Variants in PDE4D observed in about 807,000 individuals in gnomAD.
The protein encoded by PDE4D is 3',5'-cyclic-AMP phosphodiesterase 4D.
PDE4D carries 24 observed loss-of-function variants against 87.4 expected under a neutral mutation model. The observed-to-expected ratio is 0.27, with a 90% CI of 0.20 to 0.39. PDE4D has a LOEUF of 0.39. PDE4D is among the 10% of genes least tolerant of loss of function. The probability of loss-of-function intolerance (pLI) is 1.00; values close to 1 mark genes in which losing one functional copy is unlikely to be tolerated. For synonymous variants in PDE4D, 384 were observed against 383.2 expected (o/e 1.00, Z -0.02); for missense variants, 714 against 1,041.0 (o/e 0.69, Z 4.32).
At chr5:59,408,178 A>C (rs534796208) in intron 1 of PDE4D, among the ~76,000 whole-genome samples, 2 of 152,304 alleles carry the variant, frequency 1.3e-5, no homozygotes, top group Admixed American at 6.5e-5. Context: ...TTTAGGGGAT[A>C]AGCACAGGGC....
intron 1 of PDE4D, chr5:59,275,369 T>C (rs1485422266): frequency 6.3e-7 from 1 of 1,597,196 alleles, no homozygotes; most frequent in Non-Finnish European, 8.5e-7. Flanking sequence ...AGGGAACTTG[T>C]AGATCGGGAT....
chr5:59,039,179 T>C, intron 5 of PDE4D: 1 of 1,351,634 alleles, frequency 7.4e-7, no homozygotes, highest in Non-Finnish European at 9.5e-7. Flanking sequence ...GGAGGCACGG[T>C]CTCTCCAGCT....
intron 1 of PDE4D, among the ~76,000 whole-genome samples, chr5:59,357,697 A>G (rs1781606343): frequency 6.6e-6 from 1 of 152,248 alleles, no homozygotes; most frequent in Non-Finnish European, 1.5e-5. Flanking sequence ...ATAAATGATG[A>G]AAGCCAAATA....
intron 3 of PDE4D, among the ~76,000 whole-genome samples, chr5:59,943,175 T>A (rs1280778027): frequency 2.7e-5 from 4 of 150,574 alleles, no homozygotes; most frequent in Non-Finnish European, 5.9e-5. Flanking sequence ...GAGAAAGGTG[T>A]AATTTTCCAA....
intron 1 of PDE4D, among the ~76,000 whole-genome samples, chr5:60,406,715 TCA>T (rs1313434495): frequency 6.6e-6 from 1 of 152,198 alleles, no homozygotes; most frequent in Non-Finnish European, 1.5e-5. Context: ...CCTGGTACTC[TCA>T]GTTTTACATT....
chr5:59,359,620 TA>T (rs1411393121), intron 1 of PDE4D, among the ~76,000 whole-genome samples: 2 of 152,168 alleles, frequency 1.3e-5, no homozygotes, highest in African/African-American at 2.4e-5. Flanking sequence ...AGAAATTAAA[TA>T]AAATGATTTT....
At chr5:60,384,544 C>T (rs1241008738) in intron 1 of PDE4D, among the ~76,000 whole-genome samples, 1 of 152,184 alleles carries the variant, frequency 6.6e-6, no homozygotes, top group Non-Finnish European at 1.5e-5. Flanking sequence ...CTTCCTCTCT[C>T]CTCCTGACAT....
At chr5:59,289,123 T>C (rs1767526272) in intron 1 of PDE4D, among the ~76,000 whole-genome samples, 1 of 152,004 alleles carries the variant, frequency 6.6e-6, no homozygotes, top group Non-Finnish European at 1.5e-5. Flanking sequence ...TGATCAAAAA[T>C]AATAACTACA....
intron 3 of PDE4D, among the ~76,000 whole-genome samples, chr5:59,905,151 T>C (rs1012979999): frequency 4.0e-4 from 61 of 152,288 alleles, no homozygotes; most frequent in African/African-American, 1.4e-3. Flanking sequence ...GGAAGATCCA[T>C]GGTCTAATAT....
At chr5:59,797,964 G>A (rs1417650683) in intron 1 of PDE4D, among the ~76,000 whole-genome samples, 1 of 152,088 alleles carries the variant, frequency 6.6e-6, no homozygotes, top group African/African-American at 2.4e-5. Context: ...CTGGGGGTAT[G>A]GGGGCTTGCA....
chr5:59,963,560 G>A (rs992067802), intron 3 of PDE4D, among the ~76,000 whole-genome samples: 1 of 20,660 alleles, frequency 4.8e-5, no homozygotes, highest in African/African-American at 2.3e-4. Context: ...GGCTTCTGAA[G>A]CACTAAGTTA....
intron 1 of PDE4D, among the ~76,000 whole-genome samples, chr5:59,397,196 C>A (rs1389429700): frequency 8.6e-6 from 1 of 116,192 alleles, no homozygotes; most frequent in Non-Finnish European, 1.8e-5. Flanking sequence ...ACAAGGATAC[C>A]CAGGAATTGA....
At chr5:60,460,521 A>G in intron 1 of PDE4D, 1 of 1,479,844 alleles carries the variant, frequency 6.8e-7, no homozygotes, top group Non-Finnish European at 9.4e-7. Flanking sequence ...AGAGTTTGTC[A>G]TATTTCTGTT....
intron 1 of PDE4D, among the ~76,000 whole-genome samples, chr5:59,523,104 T>G (rs1252470187): frequency 6.6e-6 from 1 of 152,184 alleles, no homozygotes; most frequent in Non-Finnish European, 1.5e-5. Flanking sequence ...GCTCACTATC[T>G]TCTGCTTCTC....
At chr5:59,727,999 T>G (rs1470135589) in intron 1 of PDE4D, among the ~76,000 whole-genome samples, 1 of 152,128 alleles carries the variant, frequency 6.6e-6, no homozygotes, top group African/African-American at 2.4e-5. Flanking sequence ...TCTTTTTACT[T>G]TCTCTTCACA....
intron 1 of PDE4D, among the ~76,000 whole-genome samples, chr5:59,805,250 T>C (rs1375852313): frequency 6.6e-6 from 1 of 152,224 alleles, no homozygotes; most frequent in Non-Finnish European, 1.5e-5. Flanking sequence ...AATTAAAAGC[T>C]AGTTGTTTCT....
intron 1 of PDE4D, among the ~76,000 whole-genome samples, chr5:59,471,933 T>A (rs1802508909): frequency 6.6e-6 from 1 of 152,182 alleles, no homozygotes; most frequent in Non-Finnish European, 1.5e-5. Flanking sequence ...AAAATTAAAC[T>A]GTACTTGCCT....
chr5:59,999,436 A>G (rs1374614555), intron 2 of PDE4D, among the ~76,000 whole-genome samples: 1 of 151,752 alleles, frequency 6.6e-6, no homozygotes, highest in Admixed American at 6.6e-5. Flanking sequence ...CCAGACGGAG[A>G]AGGAGATTAA....
At chr5:59,220,845 C>T (rs1752394393) in intron 1 of PDE4D, among the ~76,000 whole-genome samples, 1 of 139,724 alleles carries the variant, frequency 7.2e-6, no homozygotes, top group African/African-American at 2.7e-5. Context: ...GGTGAATTCT[C>T]TTTTGACTCA....
Sources: gnomAD v4.1 joint callset for allele counts (sites outside exome capture counted in the v4.1 genomes callset) on GRCh38, gnomAD v4.1.1 for gene constraint, MANE v1.5 for transcripts, NCBI Gene and HGNC (gene_info 2026-07-23, HGNC 2026-07-21) for gene names.